Variants in OPHN1 observed in about 807,000 individuals in gnomAD.
The protein encoded by OPHN1 is oligophrenin-1.
Under a neutral mutation model 60.7 loss-of-function variants are expected in OPHN1, and 11 were observed. The observed-to-expected ratio is 0.18, with a 90% CI of 0.11 to 0.30. The LOEUF (loss-of-function observed/expected upper bound fraction) is 0.30, where lower values mean the gene tolerates loss of function less well. Among genes scored for constraint, OPHN1 ranks in the 10% least tolerant of loss-of-function variants. The probability of loss-of-function intolerance (pLI) is 1.00; values close to 1 mark genes in which losing one functional copy is unlikely to be tolerated. For missense variants in OPHN1, 449 were observed against 611.0 expected (o/e 0.73, Z 2.80); for synonymous variants, 226 against 222.6 (o/e 1.02, Z -0.14).
intron 10 of OPHN1, among the ~76,000 whole-genome samples, chrX:68,202,388 G>A (rs893980356): frequency 1.1e-4 from 12 of 111,858 alleles, no homozygotes; most frequent in African/African-American, 3.9e-4. Context: ...TGTGTCCACA[G>A]ACTAAAATTC....
intron 15 of OPHN1, chrX:68,192,695 A>G (rs771099960): frequency 9.0e-5 from 36 of 399,568 alleles, no homozygotes; most frequent in Non-Finnish European, 1.5e-4. Flanking sequence ...TGTATTGCTG[A>G]GGGTTTCTGG....
intron 3 of OPHN1, among the ~76,000 whole-genome samples, chrX:68,293,165 G>T (rs1259782451): frequency 9.0e-6 from 1 of 111,203 alleles, no homozygotes; most frequent in Non-Finnish European, 1.9e-5. Flanking sequence ...TAAGATGCCT[G>T]ACCTCCAGGA....
intron 5 of OPHN1, among the ~76,000 whole-genome samples, chrX:68,264,520 T>C (rs1015230421): frequency 1.2e-4 from 13 of 112,169 alleles, no homozygotes; most frequent in African/African-American, 4.2e-4. Flanking sequence ...TCATCATCAC[T>C]GGCCATTAGA....
In OPHN1 at chrX:68,418,998, TTTG is replaced by T. The variant is rs1354355371; in HGVS notation, c.154+13866_154+13868del. Among the ~76,000 whole-genome samples the T allele has an allele frequency of 8.1e-5, 9 of 110,939 alleles. No individual in the cohort carries two copies. In the South Asian group the frequency reaches 2.3e-3, roughly 29 times the overall value. ...CCTCCACTTCTTTTTTTTTAAATTT[TTTG>T]TTGTTGTTGTTTGTTTGTTTTTTTG... On this transcript the variant is annotated intron_variant, in intron 2 of 24. Coordinates refer to ENST00000355520, the MANE Select transcript of OPHN1 (RefSeq NM_002547.3).
intron 6 of OPHN1, among the ~76,000 whole-genome samples, chrX:68,217,665 A>G (rs1222960653): frequency 3.6e-5 from 4 of 110,392 alleles, no homozygotes; most frequent in African/African-American, 9.9e-5. Context: ...CCCAGCAGGG[A>G]CATACTGACA....
intron 6 of OPHN1, among the ~76,000 whole-genome samples, chrX:68,215,937 A>G (rs2077606378): frequency 1.8e-5 from 2 of 111,970 alleles, no homozygotes; most frequent in African/African-American, 6.5e-5. Context: ...AGAAAAAAAG[A>G]GCACTAGAAA....
chrX:68,317,376 A>AAAGGAAGG lies in OPHN1; in HGVS notation c.155-18288_155-18281dup, dbSNP rs771749142. 3.2e-3 allele frequency among the ~76,000 whole-genome samples: 163 copies of AAAGGAAGG among 50,553 alleles called. 3 individuals carry two copies. Among genetic ancestry groups the AAAGGAAGG allele is most frequent in the Middle Eastern group, 0.018 (2 of 111 alleles). The allele number at this position is 50,553 out of a possible 115,157, so 43.9% of individuals were successfully genotyped here. A position where few individuals can be genotyped will look rare whatever the true frequency, so the allele number is the denominator to read the frequency against. ...GAAAGAAAGAAAGAAAGAAAGAAAG[A>AAAGGAAGG]AAGGAAGGAAGGAAGGAAGGAAGGA... is the stretch of plus-strand genomic sequence containing the variant. On this transcript the variant is annotated intron_variant, in intron 2 of 24. Transcript: ENST00000355520.
At chrX:68,153,607 T>C (rs2077295785) in intron 15 of OPHN1, among the ~76,000 whole-genome samples, 1 of 111,934 alleles carries the variant, frequency 8.9e-6, no homozygotes, top group Admixed American at 9.5e-5. Context: ...ACATTGCATG[T>C]GTTGCTTTCT....
intron 15 of OPHN1, among the ~76,000 whole-genome samples, chrX:68,142,319 G>A (rs1236028459): frequency 8.9e-6 from 1 of 112,280 alleles, no homozygotes; most frequent in Admixed American, 9.4e-5. Context: ...ACAGTGTAGT[G>A]GAGACAGACT....
intron 5 of OPHN1, among the ~76,000 whole-genome samples, chrX:68,270,681 A>C (rs1349986264): frequency 9.1e-6 from 1 of 109,411 alleles, no homozygotes; most frequent in Non-Finnish European, 1.9e-5. Flanking sequence ...TGGCACATGT[A>C]TACATATGTA....
chrX:68,217,600 T>C (rs1247831777), intron 6 of OPHN1, among the ~76,000 whole-genome samples: 2 of 109,642 alleles, frequency 1.8e-5, no homozygotes, highest in Non-Finnish European at 3.8e-5. Flanking sequence ...GCAGACTGCC[T>C]CCTCAAGTGG....
intron 2 of OPHN1, among the ~76,000 whole-genome samples, chrX:68,427,830 A>G (rs748030768): frequency 9.1e-4 from 98 of 107,221 alleles, no homozygotes; most frequent in African/African-American, 3.3e-3. Flanking sequence ...GCACAATTAA[A>G]AAAAAAAAAA....
intron 19 of OPHN1, among the ~76,000 whole-genome samples, 166 bp downstream of exon 19, chrX:68,096,704 T>C (rs2077039379): frequency 8.9e-6 from 1 of 111,790 alleles, no homozygotes; most frequent in Non-Finnish European, 1.9e-5. Context: ...GTTTGCTGAA[T>C]GAATGAATTT....
intron 19 of OPHN1, among the ~76,000 whole-genome samples, chrX:68,079,022 A>G (rs1353209724): frequency 9.1e-6 from 1 of 109,676 alleles, no homozygotes; most frequent in African/African-American, 3.3e-5. Flanking sequence ...TAAATAAATA[A>G]ATAAAGTAAA....
intron 20 of OPHN1, among the ~76,000 whole-genome samples, chrX:68,072,200 G>T (rs1462550708): frequency 8.9e-6 from 1 of 112,195 alleles, no homozygotes; most frequent in Non-Finnish European, 1.9e-5. Flanking sequence ...TGTAAACTGA[G>T]ATGCCCATGA....
chrX:68,232,814 G>GA (rs995683742), intron 6 of OPHN1, among the ~76,000 whole-genome samples: 4 of 109,893 alleles, frequency 3.6e-5, no homozygotes, highest in African/African-American at 1.3e-4. Flanking sequence ...GATAGAAAAG[G>GA]AAAAAAACAA....
intron 2 of OPHN1, among the ~76,000 whole-genome samples, chrX:68,335,004 G>A (rs1442434021): frequency 9.1e-6 from 1 of 109,384 alleles, no homozygotes; most frequent in Non-Finnish European, 1.9e-5. Context: ...TTAATTAATA[G>A]TTCCTGTCCC....
intron 15 of OPHN1, among the ~76,000 whole-genome samples, chrX:68,173,070 A>G (rs2077398742): frequency 1.8e-5 from 2 of 110,525 alleles, no homozygotes; most frequent in South Asian, 8.0e-4. Context: ...CAACCTCCCC[A>G]TCGAGACGTT....
intron 16 of OPHN1, among the ~76,000 whole-genome samples, chrX:68,119,005 T>G (rs1029926939): frequency 1.8e-5 from 2 of 112,402 alleles, no homozygotes; most frequent in Non-Finnish European, 3.8e-5. Flanking sequence ...GTGCATGTTT[T>G]TTGAACATAA....
Sources: allele counts gnomAD v4.1 joint callset (sites outside exome capture counted in the v4.1 genomes callset), GRCh38; gene constraint gnomAD v4.1.1; transcripts MANE v1.5; gene names NCBI Gene and HGNC (gene_info 2026-07-23, HGNC 2026-07-21).